Variants in CLPB observed in about 807,000 individuals in gnomAD.
CLPB encodes the protein mitochondrial disaggregase.
A neutral mutation model predicts 78.4 loss-of-function variants in CLPB; 40 were observed. The ratio of observed to expected loss-of-function variants is 0.51; its 90% CI spans 0.40 to 0.66. The LOEUF (loss-of-function observed/expected upper bound fraction) is 0.66, where lower values mean the gene tolerates loss of function less well. CLPB is among the 30% of genes least tolerant of loss of function. The probability of loss-of-function intolerance (pLI) is 0.00; values close to 1 mark genes in which losing one functional copy is unlikely to be tolerated. For synonymous variants in CLPB, 333 were observed against 348.0 expected (o/e 0.96, Z 0.48); for missense variants, 780 against 886.9 (o/e 0.88, Z 1.53).
chr11:72,295,355 A>C (rs1949531476), intron 12 of CLPB, 137 bp downstream of exon 12: 1 of 835,766 alleles, frequency 1.2e-6, no homozygotes, highest in African/African-American at 1.7e-5. Flanking sequence ...GGTGTCTGAT[A>C]TCTGCTCAGT....
intron 4 of CLPB, among the ~76,000 whole-genome samples, chr11:72,373,959 T>G (rs1341287900): frequency 2.2e-5 from 1 of 44,846 alleles, no homozygotes; most frequent in African/African-American, 8.4e-5. Context: ...AAACTCTGTC[T>G]CAAAAAAAAA....
chr11:72,302,032 A>G, intron 10 of CLPB, 68 bp from the exon 11 acceptor site: 24 of 1,550,618 alleles, frequency 1.5e-5, no homozygotes, highest in Non-Finnish European at 2.0e-5. Flanking sequence ...TGGGGCATGC[A>G]TGGGAAGATG....
intron 2 of CLPB, among the ~76,000 whole-genome samples, chr11:72,426,363 C>G (rs1039324410): frequency 6.6e-6 from 1 of 151,992 alleles, no homozygotes; most frequent in East Asian, 1.9e-4. Flanking sequence ...CTCTAGTCTG[C>G]CTTGTGCCCT....
chr11:72,295,622 C>T lies in CLPB; in HGVS notation c.1356G>A (p.Lys452=), dbSNP rs1245971900. ...DEGRLTDGKG[K]TIDCKDAIFI... is the part of the protein sequence containing the mutation. ...AGATGGCGTCCTTGCAATCAATGGTCTTCCCTTTTCCATCTGTCAGCCGGC... is the reference window on the plus strand; with the variant it reads ...AGATGGCGTCCTTGCAATCAATGGTTTTCCCTTTTCCATCTGTCAGCCGGC... Residue 452 remains lysine, a synonymous_variant, in exon 12 of 16, where the codon AAG becomes AAA. Coordinates refer to ENST00000538039, the MANE Select transcript of CLPB (RefSeq NM_001258392.3). 3 of 1,614,056 alleles carry T rather than the reference C, an allele frequency of 1.9e-6. No individual in the cohort carries two copies. Among genetic ancestry groups the T allele is most frequent in the African/African-American group, 1.3e-5 (1 of 75,056 alleles).
chr11:72,354,307 C>G, intron 5 of CLPB: 1 of 394,392 alleles, frequency 2.5e-6, no homozygotes, highest in Non-Finnish European at 4.5e-6. Flanking sequence ...ATAGCTAGTA[C>G]CATTTTAGAT....
chr11:72,326,572 G>A (rs2135544788), intron 6 of CLPB, among the ~76,000 whole-genome samples: 1 of 152,290 alleles, frequency 6.6e-6, no homozygotes, highest in African/African-American at 2.4e-5. Flanking sequence ...GGTGGAGGAG[G>A]CTGAGCAGGG....
At chr11:72,340,726 A>C (rs1320383816) in intron 5 of CLPB, among the ~76,000 whole-genome samples, 9 of 152,208 alleles carry the variant, frequency 5.9e-5, no homozygotes, top group South Asian at 2.1e-4. Flanking sequence ...ATGAGATCCT[A>C]ATCATAGCTA....
intron 2 of CLPB, among the ~76,000 whole-genome samples, chr11:72,418,541 C>T (rs1856092636): frequency 6.6e-6 from 1 of 152,214 alleles, no homozygotes; most frequent in Non-Finnish European, 1.5e-5. Flanking sequence ...GTCCTCACCA[C>T]TGCTTCCTGC....
chr11:72,331,376 C>T (rs1196710420), intron 5 of CLPB, among the ~76,000 whole-genome samples: 1 of 150,794 alleles, frequency 6.6e-6, no homozygotes, highest in Non-Finnish European at 1.5e-5. Flanking sequence ...TGCACTCTAG[C>T]CTGGGCGACA....
At chr11:72,383,006 T>C (rs542752267) in intron 3 of CLPB, among the ~76,000 whole-genome samples, 4 of 151,324 alleles carry the variant, frequency 2.6e-5, no homozygotes, top group East Asian at 1.9e-4. Flanking sequence ...ATTTAAGAGA[T>C]TGAAATTATT....
At chr11:72,294,821 A>C (rs756507531) in intron 12 of CLPB, 128 bp from the exon 13 acceptor site, 1 of 788,580 alleles carries the variant, frequency 1.3e-6, no homozygotes, top group Non-Finnish European at 2.2e-6. Context: ...GTCAAGGTCT[A>C]AGGCTCTCTG....
intron 3 of CLPB, among the ~76,000 whole-genome samples, chr11:72,396,494 T>C (rs1417652319): frequency 6.6e-6 from 1 of 152,104 alleles, no homozygotes; most frequent in Non-Finnish European, 1.5e-5. Flanking sequence ...ACTATATAGG[T>C]GGTGTCCCTG....
chr11:72,334,642 G>A (rs542183845), intron 5 of CLPB, among the ~76,000 whole-genome samples: 5 of 152,356 alleles, frequency 3.3e-5, no homozygotes, highest in South Asian at 2.1e-4. Context: ...AGGATGGCCC[G>A]TGCCCTGGCC....
At chr11:72,408,216 T>A in intron 2 of CLPB, 1 of 1,530,392 alleles carries the variant, frequency 6.5e-7, no homozygotes, top group Non-Finnish European at 8.8e-7. Context: ...TGAGGTATAA[T>A]GGAAAAAAAG....
chr11:72,391,577 A>G (rs1374253085), intron 3 of CLPB, among the ~76,000 whole-genome samples: 2 of 152,252 alleles, frequency 1.3e-5, no homozygotes, highest in Non-Finnish European at 2.9e-5. Flanking sequence ...TCATTAATTT[A>G]TTTGATGGAA....
chr11:72,411,047 G>A (rs1382075233), intron 2 of CLPB, among the ~76,000 whole-genome samples: 2 of 152,174 alleles, frequency 1.3e-5, no homozygotes, highest in Non-Finnish European at 2.9e-5. Flanking sequence ...CTGTATCAAT[G>A]TAGTTATCAT....
intron 11 of CLPB, among the ~76,000 whole-genome samples, chr11:72,300,918 G>A (rs188829553): frequency 2.4e-4 from 36 of 152,290 alleles, no homozygotes; most frequent in African/African-American, 7.9e-4. Flanking sequence ...GCAATCCCTC[G>A]CCTGGTTCAA....
chr11:72,302,385 G>A, intron 9 of CLPB, 37 bp from the exon 10 acceptor site: 2 of 1,605,532 alleles, frequency 1.2e-6, no homozygotes, highest in Non-Finnish European at 8.5e-7. Context: ...TCCGTTTGGA[G>A]GCAGGAAAGT....
rs193143124 is a variant in CLPB, at chr11:72,364,279, C to T, written c.647-5271G>A. Among the ~76,000 whole-genome samples, 66 of 152,216 alleles carry T rather than the reference C, an allele frequency of 4.3e-4. 1 individual carries two copies. The East Asian group carries it at 6.4e-3, about 15-fold the overall frequency. Reference sequence around the variant, plus strand: ...CATGATCTCGGCTCACTGCAACCTCCGCAACACTGCAACCACTGCAACAAT... The same window carrying T: ...CATGATCTCGGCTCACTGCAACCTCTGCAACACTGCAACCACTGCAACAAT... On this transcript the variant is annotated intron_variant, in intron 4 of 15. Transcript: ENST00000538039.
Sources: gnomAD v4.1 joint callset for allele counts (sites outside exome capture counted in the v4.1 genomes callset) on GRCh38, gnomAD v4.1.1 for gene constraint, MANE v1.5 for transcripts, NCBI Gene and HGNC (gene_info 2026-07-23, HGNC 2026-07-21) for gene names.